COL4A5: variants seen among roughly 807,000 people sequenced by gnomAD.
COL4A5 encodes collagen type IV alpha 5 chain, also known as collagen alpha-5(IV) chain.
Under a neutral mutation model 130.2 loss-of-function variants are expected in COL4A5, and 26 were observed. That is an observed-to-expected ratio of 0.20 (90% CI 0.15 to 0.28). The LOEUF (loss-of-function observed/expected upper bound fraction) is 0.28, where lower values mean the gene tolerates loss of function less well. COL4A5 is among the 10% of genes least tolerant of loss of function. The probability of loss-of-function intolerance (pLI) is 1.00; values close to 1 mark genes in which losing one functional copy is unlikely to be tolerated. For missense variants in COL4A5, 1,131 were observed against 1,344.3 expected (o/e 0.84, Z 2.48); for synonymous variants, 496 against 439.6 (o/e 1.13, Z -1.60).
chrX:108,663,590 G>A (rs1013997095), intron 37 of COL4A5, among the ~76,000 whole-genome samples: 34 of 110,590 alleles, frequency 3.1e-4, no homozygotes, highest in African/African-American at 1.1e-3. Flanking sequence ...AGGGTGTTTG[G>A]GTCAGGGGGA....
At chrX:108,537,487 T>C (rs1682707339) in intron 1 of COL4A5, among the ~76,000 whole-genome samples, 2 of 111,478 alleles carry the variant, frequency 1.8e-5, no homozygotes, top group African/African-American at 6.5e-5. Flanking sequence ...GTTTATAAAT[T>C]ATATTAGGAG....
intron 29 of COL4A5, among the ~76,000 whole-genome samples, chrX:108,610,128 C>G (rs1452922106): frequency 9.0e-6 from 1 of 110,519 alleles, no homozygotes; most frequent in Non-Finnish European, 1.9e-5. Flanking sequence ...ATATCCTTTA[C>G]CCACTTCTCT....
rs34196456 is a variant in COL4A5, at chrX:108,606,499, G to GT, written c.2245-231dup. 0.032 allele frequency among the ~76,000 whole-genome samples: 3,271 copies of GT among 103,153 alleles called. 92 individuals carry two copies. The highest frequency in any genetic ancestry group is 0.15 in the East Asian group (489 of 3,307). 89.6% of individuals were successfully genotyped at this position (103,153 alleles called of 115,157 possible). A position where few individuals can be genotyped will look rare whatever the true frequency, so the allele number is the denominator to read the frequency against. ...TGTTCTTTAATCTCATGCTCTCTCAGTTTTTTTTTTTTATCCTGAAACCAG... is the reference window on the plus strand; with the variant it reads ...TGTTCTTTAATCTCATGCTCTCTCAGTTTTTTTTTTTTTATCCTGAAACCAG... On this transcript the variant is annotated intron_variant, in intron 28 of 52. Transcript: ENST00000328300.
At chrX:108,618,979 A>C (rs1408910904) in intron 30 of COL4A5, among the ~76,000 whole-genome samples, 1 of 111,230 alleles carries the variant, frequency 9.0e-6, no homozygotes, top group Non-Finnish European at 1.9e-5. Flanking sequence ...TATATTGAAA[A>C]CCCAACTATT....
intron 29 of COL4A5, among the ~76,000 whole-genome samples, chrX:108,610,047 T>C (rs1043921982): frequency 9.0e-6 from 1 of 110,601 alleles, no homozygotes; most frequent in Non-Finnish European, 1.9e-5. Flanking sequence ...ATTGTATGTC[T>C]CTTACTGTGA....
intron 33 of COL4A5, 35 bp from the exon 34 acceptor site, chrX:108,624,201 C>G: frequency 9.1e-7 from 1 of 1,095,219 alleles, no homozygotes; most frequent in Non-Finnish European, 1.3e-6. Flanking sequence ...TGAATAATAT[C>G]ATCCTAACTT....
chrX:108,684,849 C>T (rs2068513167), intron 47 of COL4A5, among the ~76,000 whole-genome samples: 1 of 112,507 alleles, frequency 8.9e-6, no homozygotes, highest in African/African-American at 3.2e-5. Context: ...ATGCGAAAAT[C>T]CTCAAGGAAA....
At position 108,565,604 on chromosome X, in the gene COL4A5, T is replaced by C. The variant is rs774806396; in HGVS notation, c.276+1678T>C. Among the ~76,000 whole-genome samples, 19 of 112,071 alleles carry C rather than the reference T, an allele frequency of 1.7e-4. 1 individual carries two copies. The Admixed American group carries it at 1.8e-3, about 11-fold the overall frequency. On this transcript the variant is annotated intron_variant, in intron 4 of 52. Coordinates refer to ENST00000328300, the MANE Select transcript of COL4A5 (RefSeq NM_033380.3). ...TCTGAAAGATGTCCTTTTACAATGGTTTATTCAATTTACAACCCAAGCAAG... is the reference window on the plus strand; with the variant it reads ...TCTGAAAGATGTCCTTTTACAATGGCTTATTCAATTTACAACCCAAGCAAG...
At chrX:108,513,616 CT>C (rs764436263) in intron 1 of COL4A5, among the ~76,000 whole-genome samples, 22 of 111,344 alleles carry the variant, frequency 2.0e-4, no homozygotes, top group African/African-American at 6.2e-4. Context: ...GTAGTAATTC[CT>C]TTTATATCTT....
chrX:108,542,741 C>G (rs916969300), intron 2 of COL4A5, among the ~76,000 whole-genome samples: 5 of 104,602 alleles, frequency 4.8e-5, no homozygotes, highest in South Asian at 3.9e-4. Flanking sequence ...AAAAGTGTTC[C>G]TATTTCTCCA....
chrX:108,485,726 G>A (rs2064937821), intron 1 of COL4A5, among the ~76,000 whole-genome samples: 1 of 109,879 alleles, frequency 9.1e-6, no homozygotes, highest in Non-Finnish European at 1.9e-5. Context: ...GTCTCCTCAA[G>A]TGGAAGGAAG....
chrX:108,579,535 A>G (rs961308677), intron 13 of COL4A5, among the ~76,000 whole-genome samples: 4 of 112,130 alleles, frequency 3.6e-5, no homozygotes, highest in African/African-American at 1.3e-4. Flanking sequence ...CATTTCACTG[A>G]TATGCAAGGA....
chrX:108,612,339 T>C (rs1235112468), intron 29 of COL4A5, among the ~76,000 whole-genome samples: 1 of 110,719 alleles, frequency 9.0e-6, no homozygotes, highest in Non-Finnish European at 1.9e-5. Context: ...GGCATACAGA[T>C]TGGAAAGGAA....
chrX:108,579,879 A>G (rs1006999740), intron 13 of COL4A5, among the ~76,000 whole-genome samples: 15 of 111,304 alleles, frequency 1.3e-4, no homozygotes, highest in Non-Finnish European at 2.3e-4. Context: ...AATTGTCATT[A>G]TTTTCATTTT....
intron 28 of COL4A5, 139 bp downstream of exon 28, chrX:108,603,200 C>A: frequency 2.9e-4 from 78 of 266,794 alleles, no homozygotes; most frequent in East Asian, 3.7e-4. Context: ...ATTATATTTC[C>A]ATTAAAAAAA....
intron 1 of COL4A5, among the ~76,000 whole-genome samples, chrX:108,491,049 C>T (rs1160969179): frequency 1.8e-5 from 2 of 111,907 alleles, no homozygotes; most frequent in Non-Finnish European, 3.8e-5. Context: ...TCCAGTCTGT[C>T]ACGGATGGGG....
At chrX:108,499,205 A>G (rs770897762) in intron 1 of COL4A5, among the ~76,000 whole-genome samples, 1 of 111,624 alleles carries the variant, frequency 9.0e-6, no homozygotes, top group Admixed American at 9.5e-5. Context: ...TCATGAATGG[A>G]TATTGAATTT....
chrX:108,604,646 T>TA (rs1224067260), intron 28 of COL4A5, among the ~76,000 whole-genome samples: 1 of 112,093 alleles, frequency 8.9e-6, no homozygotes, highest in South Asian at 3.7e-4. Context: ...TCCCTAAAAA[T>TA]AGAGTCAGCC....
intron 19 of COL4A5, 48 bp downstream of exon 19, chrX:108,586,795 A>T: frequency 8.6e-7 from 1 of 1,163,568 alleles, no homozygotes; most frequent in Non-Finnish European, 1.2e-6. Flanking sequence ...ATCCTTACTA[A>T]TCCATGTATA....
Sources: allele counts gnomAD v4.1 joint callset (sites outside exome capture counted in the v4.1 genomes callset), GRCh38; gene constraint gnomAD v4.1.1; transcripts MANE v1.5; gene names NCBI Gene and HGNC (gene_info 2026-07-23, HGNC 2026-07-21).